The following PNPLA8 variants were observed in gnomAD, a reference collection of about 807,000 sequenced individuals.
PNPLA8 encodes patatin like domain 8, phospholipase A2.
Under a neutral mutation model 76.9 loss-of-function variants are expected in PNPLA8, and 39 were observed. That is an observed-to-expected ratio of 0.51 (90% CI 0.39 to 0.66). The LOEUF (loss-of-function observed/expected upper bound fraction) is 0.66, where lower values mean the gene tolerates loss of function less well. PNPLA8 is among the 30% of genes least tolerant of loss of function. The probability of loss-of-function intolerance (pLI) is 0.00; values close to 1 mark genes in which losing one functional copy is unlikely to be tolerated. For missense variants in PNPLA8, 887 were observed against 918.0 expected, an observed-to-expected ratio of 0.97 and a Z score of 0.44; for synonymous variants, 301 against 307.9, an observed-to-expected ratio of 0.98 and a Z score of 0.24.
At chr7:108,481,992 T>C (rs1488212190) in intron 9 of PNPLA8, among the ~76,000 whole-genome samples, 1 of 152,194 alleles carries the variant, frequency 6.6e-6, no homozygotes, top group Admixed American at 6.5e-5. Flanking sequence ...ATTGCTTTTG[T>C]ATCTTTGTCA....
chr7:108,523,238 TAC>T (rs1339627936), intron 1 of PNPLA8, among the ~76,000 whole-genome samples: 6 of 152,158 alleles, frequency 3.9e-5, no homozygotes, highest in Non-Finnish European at 8.8e-5. Context: ...AGAATGAATT[TAC>T]AGAGTATGTC....
chr7:108,510,100 C>T (rs1378541367), intron 4 of PNPLA8: 88 of 499,316 alleles, frequency 1.8e-4, no homozygotes, highest in African/African-American at 9.3e-4. Context: ...GTGGGTGCAG[C>T]GCACCAGCAT....
intron 2 of PNPLA8, among the ~76,000 whole-genome samples, chr7:108,518,880 T>C (rs575094378): frequency 7.2e-5 from 11 of 151,776 alleles, no homozygotes; most frequent in African/African-American, 2.7e-4. Flanking sequence ...ACCTGTTTGT[T>C]TATTCTTATG....
chr7:108,502,869 T>G, intron 4 of PNPLA8: 1 of 331,582 alleles, frequency 3.0e-6, no homozygotes. Context: ...TATTCAAAAG[T>G]TTTCATTAAA....
At chr7:108,526,511 A>G (rs754126980), upstream of PNPLA8, among the ~76,000 whole-genome samples, 1 of 152,304 alleles carries the variant, frequency 6.6e-6, no homozygotes, top group African/African-American at 2.4e-5. Flanking sequence ...GCGGGCCGCT[A>G]TTCCCTTTCA....
At chr7:108,482,789 T>C (rs1247024875) in intron 9 of PNPLA8, among the ~76,000 whole-genome samples, 3 of 152,244 alleles carry the variant, frequency 2.0e-5, no homozygotes. Context: ...ACTGCTTTTG[T>C]TACAATTTTG....
intron 7 of PNPLA8, among the ~76,000 whole-genome samples, chr7:108,494,453 A>T (rs1244335954): frequency 1.3e-5 from 2 of 152,206 alleles, no homozygotes; most frequent in Admixed American, 1.3e-4. Context: ...TATAAGTAAG[A>T]AGATGTGGTA....
chr7:108,493,403 T>C (rs1219898391), intron 7 of PNPLA8, among the ~76,000 whole-genome samples: 2 of 151,712 alleles, frequency 1.3e-5, no homozygotes, highest in African/African-American at 4.8e-5. Context: ...GGAATAGATA[T>C]GAATTTTATA....
intron 5 of PNPLA8, among the ~76,000 whole-genome samples, chr7:108,499,526 T>A (rs1311685617): frequency 6.6e-6 from 1 of 152,202 alleles, no homozygotes; most frequent in African/African-American, 2.4e-5. Context: ...AACCAAGTTT[T>A]CTCAACAGCA....
At chr7:108,490,093 A>T (rs1861034785) in intron 8 of PNPLA8, among the ~76,000 whole-genome samples, 1 of 152,176 alleles carries the variant, frequency 6.6e-6, no homozygotes, top group East Asian at 1.9e-4. Context: ...TTCTATAGAT[A>T]TTTTTTATCT....
At chr7:108,496,464 C>A in intron 7 of PNPLA8, 120 bp downstream of exon 7, 2 of 592,898 alleles carry the variant, frequency 3.4e-6, no homozygotes, top group African/African-American at 2.0e-5. Flanking sequence ...ATTTAATATT[C>A]TTGATATTTT....
chr7:108,496,561 T>C, intron 7 of PNPLA8, 23 bp downstream of exon 7: 1 of 1,507,792 alleles, frequency 6.6e-7, no homozygotes, highest in Non-Finnish European at 9.0e-7. Flanking sequence ...TCAGAAGATT[T>C]AAAAAGAGTA....
chr7:108,484,332 T>A (rs954377933), intron 9 of PNPLA8, among the ~76,000 whole-genome samples: 2 of 152,178 alleles, frequency 1.3e-5, no homozygotes, highest in African/African-American at 4.8e-5. Flanking sequence ...ATTCTATCAG[T>A]AGGTCATTGG....
At chr7:108,505,303 TATATATATATATATATATATATATA>T (rs1862265769) in intron 4 of PNPLA8, among the ~76,000 whole-genome samples, 3 of 3,040 alleles carry the variant, frequency 9.9e-4, no homozygotes, top group East Asian at 9.4e-3. Flanking sequence ...AGAAAATTTA[TATATATATATATATATATATATATA>T]TATATATATA....
Position 108,478,815 on chromosome 7 carries a change from G to A in PNPLA8, c.2074+369C>T, listed in dbSNP as rs559520412. The stretch of plus-strand genomic sequence containing the variant: ...CCTTGACAGTATTAAATAATTGAAT[G>A]TCCTTTACTCTAAATCTTTGCTATC... On this transcript the variant is annotated intron_variant, in intron 10 of 10. Transcript: ENST00000257694. Among the ~76,000 whole-genome samples, 3 of 152,170 alleles carry A rather than the reference G, an allele frequency of 2.0e-5. No homozygotes were observed. The South Asian group carries it at 6.2e-4, about 32-fold the overall frequency.
At position 108,502,442 on chromosome 7, in the gene PNPLA8, CAAAAAAA is replaced by C. The variant is rs369261888; in HGVS notation, c.1358+42_1358+48del. 1,352 of 623,910 alleles carry C rather than the reference CAAAAAAA, an allele frequency of 2.2e-3. 2 individuals carry two copies. The highest frequency in any genetic ancestry group is 2.2e-3 in the Non-Finnish European group (1,009 of 465,478). 38.6% of individuals were successfully genotyped at this position (623,910 alleles called of 1,614,324 possible). ...TGGGCAACAGAGGGAAACTCCATCT[CAAAAAAA>C]AAAAAAAAAAAAAAAAAAAAGAATC... On this transcript the variant is annotated intron_variant, in intron 5 of 10. Transcript: ENST00000257694.
At position 108,510,759 on chromosome 7, in the gene PNPLA8, G is replaced by C. The variant is rs187002231; in HGVS notation, c.1206+3385C>G. 2,070 of 1,601,564 alleles carry C rather than the reference G, an allele frequency of 1.3e-3. 2 individuals are homozygous for C. Among genetic ancestry groups the C allele is most frequent in the Non-Finnish European group, 1.6e-3 (1,901 of 1,179,338 alleles). On this transcript the variant is annotated intron_variant, in intron 4 of 10. Transcript: ENST00000257694. ...TTGACAGATAACGCTTTGATTGCTC[G>C]ATCTCTTGGTAAATATGGCATCATC...
intron 4 of PNPLA8, chr7:108,511,054 A>AAG (rs973744907): frequency 2.2e-5 from 15 of 695,500 alleles, no homozygotes; most frequent in Middle Eastern, 4.0e-4. Context: ...AAAAAAAAAA[A>AAG]AAAAAGAAAA....
chr7:108,492,424 T>A (rs186509018), intron 7 of PNPLA8, among the ~76,000 whole-genome samples: 1 of 152,354 alleles, frequency 6.6e-6, no homozygotes, highest in East Asian at 1.9e-4. Flanking sequence ...GAATTCTTAC[T>A]GTAAAATTAC....
Sources: allele counts gnomAD v4.1 joint callset (sites outside exome capture counted in the v4.1 genomes callset), GRCh38; gene constraint gnomAD v4.1.1; transcripts MANE v1.5; gene names NCBI Gene and HGNC (gene_info 2026-07-23, HGNC 2026-07-21).